The following CASK variants were observed in gnomAD, a reference collection of about 807,000 sequenced individuals.
CASK encodes the protein peripheral plasma membrane protein CASK.
Under a neutral mutation model 82.9 loss-of-function variants are expected in CASK, and 4 were observed. The observed-to-expected ratio is 0.05, with a 90% CI of 0.02 to 0.11. The LOEUF is 0.11. CASK is among the 10% of genes least tolerant of loss of function. The pLI, the probability that CASK is intolerant of heterozygous loss-of-function variation, is 1.00. For synonymous variants in CASK, 259 were observed against 253.5 expected (o/e 1.02, Z -0.20); for missense variants, 358 against 720.9 (o/e 0.50, Z 5.76).
At chrX:41,868,724 T>C (rs1198498356) in intron 1 of CASK, among the ~76,000 whole-genome samples, 1 of 111,403 alleles carries the variant, frequency 9.0e-6, no homozygotes, top group Non-Finnish European at 1.9e-5. Context: ...ATTTATACTG[T>C]GAAATGGAGA....
rs1246267554 is a variant in CASK, at chrX:41,903,503, T to G, written c.59+19427A>C. 4.5e-5 allele frequency among the ~76,000 whole-genome samples: 5 copies of G among 112,274 alleles called. No homozygotes were observed. In the Admixed American group the frequency reaches 4.7e-4, roughly 11 times the overall value. On this transcript the variant is annotated intron_variant, in intron 1 of 26. Coordinates refer to ENST00000378163, the MANE Select transcript of CASK (RefSeq NM_001367721.1). ...CTACACAAATATCTTAAAACTCATA[T>G]AATTCAATTATAAAACATGAGTATA... is the stretch of plus-strand genomic sequence containing the variant.
intron 2 of CASK, among the ~76,000 whole-genome samples, chrX:41,800,216 C>T (rs1467764669): frequency 2.7e-5 from 3 of 110,232 alleles, no homozygotes; most frequent in Non-Finnish European, 5.7e-5. Context: ...TATCATACTC[C>T]CTGGTTTTGA....
intron 2 of CASK, among the ~76,000 whole-genome samples, chrX:41,841,027 T>C (rs1027745460): frequency 4.5e-5 from 5 of 112,270 alleles, no homozygotes; most frequent in African/African-American, 1.6e-4. Flanking sequence ...TTTTCGTGTG[T>C]ACATATGTTT....
At chrX:41,888,743 A>G (rs967513254) in intron 1 of CASK, among the ~76,000 whole-genome samples, 6 of 98,670 alleles carry the variant, frequency 6.1e-5, no homozygotes, top group Admixed American at 1.1e-4. Context: ...ATATATATAC[A>G]TATATATGTA....
At chrX:41,915,430 T>A (rs996951240) in intron 1 of CASK, among the ~76,000 whole-genome samples, 1 of 112,617 alleles carries the variant, frequency 8.9e-6, no homozygotes, top group Non-Finnish European at 1.9e-5. Context: ...TTCAGCATAG[T>A]ATACAAATAT....
In CASK at chrX:41,671,373, A is replaced by G. The variant is rs866245583; in HGVS notation, c.532+55T>C. 14 of 720,139 alleles carry G rather than the reference A, an allele frequency of 1.9e-5. No homozygotes were observed. The Middle Eastern group carries it at 3.2e-3, about 162-fold the overall frequency. The allele number at this position is 720,139 out of a possible 1,213,427, so 59.3% of individuals were successfully genotyped here. A position where few individuals can be genotyped will look rare whatever the true frequency, so the allele number is the denominator to read the frequency against. On this transcript the variant is annotated intron_variant, in intron 6 of 26. Transcript: ENST00000378163. ...CTAATATGTAGCTTGAAAGTTTTAT[A>G]CCAGTCGCAAGTGACCAGGTTTTGA...
chrX:41,701,352 C>T (rs1181497382), intron 5 of CASK, among the ~76,000 whole-genome samples: 1 of 111,962 alleles, frequency 8.9e-6, no homozygotes, highest in Non-Finnish European at 1.9e-5. Flanking sequence ...TGTCCCAAAC[C>T]ATAAAAACTG....
chrX:41,562,322 T>C (rs2065240625), intron 16 of CASK: 1 of 112,581 alleles, frequency 8.9e-6, no homozygotes, highest in Admixed American at 9.4e-5. Context: ...ATGCTTAGAG[T>C]GTTATTTACA....
chrX:41,749,376 AT>A (rs35045589), intron 3 of CASK, among the ~76,000 whole-genome samples: 41 of 72,382 alleles, frequency 5.7e-4, no homozygotes, highest in South Asian at 1.9e-3. Flanking sequence ...TTCTTCACCA[AT>A]TTTTTTTTTT....
chrX:41,696,573 G>T, intron 5 of CASK: 2 of 1,207,095 alleles, frequency 1.7e-6, no homozygotes, highest in Non-Finnish European at 2.2e-6. Context: ...GATCATGCTG[G>T]TTCTCTCATC....
intron 2 of CASK, among the ~76,000 whole-genome samples, chrX:41,809,333 AC>A (rs2070218674): frequency 9.0e-6 from 1 of 111,514 alleles, no homozygotes; most frequent in African/African-American, 3.3e-5. Context: ...ACTGGGAGGC[AC>A]CCCCCGGCAA....
Position 41,859,930 on chromosome X carries a change from T to C in CASK, c.60-6703A>G, listed in dbSNP as rs749594568. Among the ~76,000 whole-genome samples, 5 of 111,620 alleles carry C rather than the reference T, an allele frequency of 4.5e-5. No individual in the cohort carries two copies. The Admixed American group carries it at 4.8e-4, about 11-fold the overall frequency. On this transcript the variant is annotated intron_variant, in intron 1 of 26. Transcript: ENST00000378163. ...TCATTCAGCATTCATGGTAACTTTATAGAACACAACTACCATGAATAATGA... is the reference window on the plus strand; with the variant it reads ...TCATTCAGCATTCATGGTAACTTTACAGAACACAACTACCATGAATAATGA...
intron 12 of CASK, among the ~76,000 whole-genome samples, chrX:41,598,283 A>G (rs936068345): frequency 8.9e-6 from 1 of 112,067 alleles, no homozygotes; most frequent in African/African-American, 3.2e-5. Flanking sequence ...TGAAAGAAAC[A>G]TTGCAAAATT....
chrX:41,918,809 G>C (rs1162511613), intron 1 of CASK, among the ~76,000 whole-genome samples: 1 of 112,357 alleles, frequency 8.9e-6, no homozygotes, highest in Admixed American at 9.4e-5. Context: ...CATAATCTAA[G>C]TTTTAAGCCA....
chrX:41,824,113 T>C (rs2070607369), intron 2 of CASK, among the ~76,000 whole-genome samples: 1 of 111,968 alleles, frequency 8.9e-6, no homozygotes, highest in South Asian at 3.7e-4. Flanking sequence ...CAACTAGTCA[T>C]ATGAAGCAAA....
chrX:41,860,291 T>C (rs983130544), intron 1 of CASK, among the ~76,000 whole-genome samples: 1 of 111,236 alleles, frequency 9.0e-6, no homozygotes, highest in Non-Finnish European at 1.9e-5. Context: ...GTTCTGACGT[T>C]AAGAATTGAG....
intron 24 of CASK, among the ~76,000 whole-genome samples, chrX:41,532,598 C>CCT (rs1170452806): frequency 9.4e-6 from 1 of 106,127 alleles, no homozygotes; most frequent in East Asian, 3.0e-4. Context: ...CCTTTTTTTC[C>CCT]CTCTCTCTCT....
intron 1 of CASK, among the ~76,000 whole-genome samples, chrX:41,922,332 T>A (rs2072797935): frequency 1.8e-5 from 2 of 111,374 alleles, no homozygotes; most frequent in South Asian, 3.8e-4. Context: ...CGAGCACTGA[T>A]TGAACAGTCA....
chrX:41,619,208 T>C (rs1387247031), intron 11 of CASK, among the ~76,000 whole-genome samples: 1 of 111,783 alleles, frequency 8.9e-6, no homozygotes, highest in East Asian at 2.8e-4. Context: ...CATGAACTTA[T>C]TAGATACTAT....
Sources: allele counts gnomAD v4.1 joint callset (sites outside exome capture counted in the v4.1 genomes callset), GRCh38; gene constraint gnomAD v4.1.1; transcripts MANE v1.5; gene names NCBI Gene and HGNC (gene_info 2026-07-23, HGNC 2026-07-21).